The following GHR variants were observed in gnomAD, a reference collection of about 807,000 sequenced individuals.
The protein encoded by GHR is GH receptor.
GHR carries 35 observed loss-of-function variants against 67.1 expected under a neutral mutation model. The observed-to-expected ratio is 0.52, with a 90% CI of 0.40 to 0.69. The LOEUF is 0.69. GHR is among the 30% of genes least tolerant of loss of function. The probability of loss-of-function intolerance (pLI) is 0.00; values close to 1 mark genes in which losing one functional copy is unlikely to be tolerated. For missense variants in GHR, 792 were observed against 764.6 expected, an observed-to-expected ratio of 1.04 and a Z score of -0.42; for synonymous variants, 272 against 269.1, an observed-to-expected ratio of 1.01 and a Z score of -0.10.
Position 42,719,458 on chromosome 5 carries a change from A to G in GHR, c.*34A>G. 6.3e-7 allele frequency: 1 copy of G among 1,596,394 alleles called. No individual in the cohort carries two copies. The highest frequency in any genetic ancestry group is 8.5e-7 in the Non-Finnish European group (1 of 1,170,984). The stretch of plus-strand genomic sequence containing the variant: ...TGGTTTCCCAAGAGCTACGTATTTA[A>G]TAGCAAAGAATTGACTGGGGCAATA... On this transcript the variant is annotated 3_prime_UTR_variant, in exon 10 of 10. Coordinates refer to ENST00000230882, the MANE Select transcript of GHR (RefSeq NM_000163.5).
intron 1 of GHR, among the ~76,000 whole-genome samples, chr5:42,473,967 C>T (rs1280526939): frequency 7.1e-6 from 1 of 141,172 alleles, no homozygotes; most frequent in Non-Finnish European, 1.6e-5. Context: ...GTGAGTGGAT[C>T]ACTTGAGGTC....
chr5:42,562,762 T>G (rs997247995), intron 1 of GHR, among the ~76,000 whole-genome samples: 1 of 149,312 alleles, frequency 6.7e-6, no homozygotes, highest in Non-Finnish European at 1.5e-5. Context: ...GCGATTCTCC[T>G]GCCTCAGCCT....
At chr5:42,612,650 C>T (rs1752946284) in intron 2 of GHR, among the ~76,000 whole-genome samples, 1 of 152,018 alleles carries the variant, frequency 6.6e-6, no homozygotes, top group African/African-American at 2.4e-5. Context: ...TTCTCAGAAA[C>T]AAAGAGTATA....
At chr5:42,463,925 G>A (rs1213480113) in intron 1 of GHR, among the ~76,000 whole-genome samples, 1 of 146,330 alleles carries the variant, frequency 6.8e-6, no homozygotes, top group South Asian at 2.2e-4. Context: ...CCCGAGAGGC[G>A]GAGCTTGCAG....
At chr5:42,643,080 G>A (rs1754559377) in intron 3 of GHR, among the ~76,000 whole-genome samples, 1 of 152,074 alleles carries the variant, frequency 6.6e-6, no homozygotes, top group African/African-American at 2.4e-5. Context: ...CAGGTACCAA[G>A]GTTTAGGACT....
intron 1 of GHR, among the ~76,000 whole-genome samples, chr5:42,519,390 G>A (rs1198646485): frequency 6.6e-6 from 1 of 152,118 alleles, no homozygotes; most frequent in Non-Finnish European, 1.5e-5. Flanking sequence ...TTTAGAACTA[G>A]TAAAAGAATC....
At chr5:42,706,066 GA>G (rs1758161283) in intron 6 of GHR, among the ~76,000 whole-genome samples, 1 of 152,008 alleles carries the variant, frequency 6.6e-6, no homozygotes, top group Non-Finnish European at 1.5e-5. Context: ...GTTATTTTTT[GA>G]CTTTTTGATA....
At chr5:42,689,281 G>A (rs1579614904) in intron 4 of GHR, among the ~76,000 whole-genome samples, 1 of 152,128 alleles carries the variant, frequency 6.6e-6, no homozygotes, top group Admixed American at 6.6e-5. Flanking sequence ...CAGGGAGACA[G>A]GCAATAAAAA....
chr5:42,707,695 TTC>T (rs1443352801), intron 6 of GHR, among the ~76,000 whole-genome samples: 1 of 151,960 alleles, frequency 6.6e-6, no homozygotes, highest in Non-Finnish European at 1.5e-5. Context: ...ATTCCTAGGT[TTC>T]TGTGTGTGTG....
chr5:42,703,783 A>ATTTTAT (rs1561242637), intron 6 of GHR, among the ~76,000 whole-genome samples: 1 of 151,546 alleles, frequency 6.6e-6, no homozygotes, highest in African/African-American at 2.4e-5. Context: ...TAGGTCTTTT[A>ATTTTAT]TTTTATTTTT....
chr5:42,629,206 G>A lies in GHR; in HGVS notation c.136+103G>A, dbSNP rs578161633. 8.2e-5 allele frequency: 57 copies of A among 698,054 alleles called. 10 individuals carry two copies. The highest frequency in any genetic ancestry group is 2.4e-4 in the South Asian group (15 of 61,870). The allele number at this position is 698,054 out of a possible 1,614,324, so 43.2% of individuals were successfully genotyped here. A position where few individuals can be genotyped will look rare whatever the true frequency, so the allele number is the denominator to read the frequency against. On this transcript the variant is annotated intron_variant, in intron 3 of 9. Transcript: ENST00000230882. ...ATTTTATTTGGGATGGTAGTAACTG[G>A]AATAGTGACTGAGTTGAAATTTTAT...
intron 1 of GHR, among the ~76,000 whole-genome samples, chr5:42,534,152 GTATATATA>G (rs202170142): frequency 6.9e-6 from 1 of 144,164 alleles, no homozygotes; most frequent in Admixed American, 7.2e-5. Flanking sequence ...ATATATGTAT[GTATATATA>G]TGTACATATG....
At chr5:42,489,394 ATC>A (rs1387466032) in intron 1 of GHR, among the ~76,000 whole-genome samples, 1 of 152,220 alleles carries the variant, frequency 6.6e-6, no homozygotes, top group Non-Finnish European at 1.5e-5. Flanking sequence ...GAAATGAAGA[ATC>A]TCTTTACTTT....
At chr5:42,673,710 G>A (rs1426688947) in intron 3 of GHR, among the ~76,000 whole-genome samples, 1 of 152,140 alleles carries the variant, frequency 6.6e-6, no homozygotes, top group African/African-American at 2.4e-5. Context: ...TTATAAGTGG[G>A]AGCTAAACAT....
chr5:42,548,164 A>G, intron 1 of GHR: 1 of 983,918 alleles, frequency 1.0e-6, no homozygotes, highest in Non-Finnish European at 1.2e-6. Flanking sequence ...CAGGGGATTT[A>G]TTATATGAGA....
chr5:42,544,715 A>C (rs985215074), intron 1 of GHR, among the ~76,000 whole-genome samples: 2 of 152,166 alleles, frequency 1.3e-5, no homozygotes, highest in African/African-American at 4.8e-5. Flanking sequence ...ACACCCATGC[A>C]TCAAAAAGTT....
At chr5:42,487,891 T>A (rs1745947855) in intron 1 of GHR, among the ~76,000 whole-genome samples, 1 of 152,234 alleles carries the variant, frequency 6.6e-6, no homozygotes, top group Non-Finnish European at 1.5e-5. Flanking sequence ...TCTGAACACT[T>A]GCATATCATA....
chr5:42,647,921 A>C (rs1434956044), intron 3 of GHR: 1 of 182,990 alleles, frequency 5.5e-6, no homozygotes, highest in East Asian at 1.6e-4. Context: ...ACAGCATTCT[A>C]TATCATGACT....
At chr5:42,496,306 A>G (rs1051188184) in intron 1 of GHR, among the ~76,000 whole-genome samples, 4 of 152,212 alleles carry the variant, frequency 2.6e-5, no homozygotes, top group Admixed American at 1.3e-4. Context: ...CAACCAATTC[A>G]GTGTACTAGG....
Sources: allele counts gnomAD v4.1 joint callset (sites outside exome capture counted in the v4.1 genomes callset), GRCh38; gene constraint gnomAD v4.1.1; transcripts MANE v1.5; gene names NCBI Gene and HGNC (gene_info 2026-07-23, HGNC 2026-07-21).